SPOPL: variants seen among roughly 807,000 people sequenced by gnomAD.
The protein encoded by SPOPL is speckle-type POZ protein-like.
SPOPL carries 23 observed loss-of-function variants against 53.8 expected under a neutral mutation model. That is an observed-to-expected ratio of 0.43 (90% CI 0.31 to 0.61). The LOEUF is 0.61. SPOPL is among the 20% of genes least tolerant of loss of function. SPOPL has a pLI of 0.12. For synonymous variants in SPOPL, 164 were observed against 149.7 expected, an observed-to-expected ratio of 1.10 and a Z score of -0.70; for missense variants, 442 against 466.9, an observed-to-expected ratio of 0.95 and a Z score of 0.49.
At chr2:138,538,735 C>A (rs896431490) in intron 1 of SPOPL, among the ~76,000 whole-genome samples, 1 of 151,180 alleles carries the variant, frequency 6.6e-6, no homozygotes, top group Non-Finnish European at 1.5e-5. Flanking sequence ...ACCTTCTTAG[C>A]TGTTTTCTTT....
chr2:138,558,137 G>T (rs1685468601), intron 5 of SPOPL, among the ~76,000 whole-genome samples: 1 of 152,118 alleles, frequency 6.6e-6, no homozygotes. Context: ...CTCTAGCCTA[G>T]GCAACAGAGC....
chr2:138,515,283 A>G (rs1013747965), intron 1 of SPOPL, among the ~76,000 whole-genome samples: 1 of 152,216 alleles, frequency 6.6e-6, no homozygotes, highest in Non-Finnish European at 1.5e-5. Context: ...ACATTGGCCC[A>G]AAGCTCTAAT....
chr2:138,520,575 A>G (rs1335694787), intron 1 of SPOPL, among the ~76,000 whole-genome samples: 2 of 152,228 alleles, frequency 1.3e-5, no homozygotes, highest in African/African-American at 2.4e-5. Flanking sequence ...TCTGAGAGCT[A>G]GTTCAAATTA....
intron 1 of SPOPL, among the ~76,000 whole-genome samples, chr2:138,546,661 G>C (rs2104888161): frequency 6.6e-6 from 1 of 152,326 alleles, no homozygotes; most frequent in Non-Finnish European, 1.5e-5. Flanking sequence ...TGGAAGGGCA[G>C]CATGATTCTA....
chr2:138,528,168 G>A (rs1375602257), intron 1 of SPOPL, among the ~76,000 whole-genome samples: 1 of 152,158 alleles, frequency 6.6e-6, no homozygotes, highest in Non-Finnish European at 1.5e-5. Flanking sequence ...GTTGGGCTTT[G>A]GCGTGATGGT....
At chr2:138,515,026 A>G (rs1684409217) in intron 1 of SPOPL, among the ~76,000 whole-genome samples, 1 of 152,206 alleles carries the variant, frequency 6.6e-6, no homozygotes, top group Non-Finnish European at 1.5e-5. Context: ...AGACACCTGT[A>G]TATTTTCATA....
chr2:138,567,503 A>G (rs566109451), intron 10 of SPOPL, among the ~76,000 whole-genome samples: 36 of 151,926 alleles, frequency 2.4e-4, no homozygotes, highest in African/African-American at 8.2e-4. Context: ...CTGAAAGGCC[A>G]TGTAAAATAA....
At position 138,568,917 on chromosome 2, in the gene SPOPL, T is replaced by C; in HGVS notation, c.1035-19T>C. The C allele has an allele frequency of 4.3e-6, 7 of 1,613,036 alleles. No homozygotes were observed. The South Asian group carries it at 7.7e-5, about 18-fold the overall frequency. Reference sequence around the variant, plus strand: ...TGAAAAGTATTCTTTAGTAAATATCTTTTAATTCTATTTTTCAGCCAAGCA... The same window carrying C: ...TGAAAAGTATTCTTTAGTAAATATCCTTTAATTCTATTTTTCAGCCAAGCA... On this transcript the variant is annotated intron_variant, in intron 10 of 10. Transcript: ENST00000280098.
At chr2:138,519,994 C>T (rs1684522171) in intron 1 of SPOPL, among the ~76,000 whole-genome samples, 2 of 151,962 alleles carry the variant, frequency 1.3e-5, no homozygotes, top group African/African-American at 2.4e-5. Context: ...GAAAGTTTTA[C>T]GGAAGAGGTG....
In SPOPL at chr2:138,569,036, T is replaced by C; in HGVS notation, c.1135T>C (p.Cys379Arg). The change falls in exon 11 of 11, where the codon TGT becomes CGT. Residue 379 changes from cysteine to arginine, a missense_variant. Physicochemically the swap from Cys to Arg is radical, Grantham distance 180. Coordinates refer to ENST00000280098, the MANE Select transcript of SPOPL (RefSeq NM_001001664.3). ...CTTTCGAGCACTAGCATCTGCACAG[T>C]GTCCACAGTTTGGCATTCCACGCAA... ...EAFRALASAQ[C>R]PQFGIPRKRL... is the part of the protein sequence containing the mutation. 1.9e-6 allele frequency: 3 copies of C among 1,613,996 alleles called. No homozygotes were observed. Among genetic ancestry groups the C allele is most frequent in the Non-Finnish European group, 1.7e-6 (2 of 1,179,930 alleles).
chr2:138,564,980 A>C lies in SPOPL; in HGVS notation c.1021A>C (p.Asn341His), dbSNP rs1224540067. 6.2e-7 allele frequency: 1 copy of C among 1,614,042 alleles called. No individual in the cohort carries two copies. The highest frequency in any genetic ancestry group is 1.1e-5 in the South Asian group (1 of 91,070). Reference sequence around the variant, plus strand: ...ACAACTTGGGTGTAAAGATGGGAAAAACTGGAACAGCAAGTAAGATGACAT... The same window carrying C: ...ACAACTTGGGTGTAAAGATGGGAAACACTGGAACAGCAAGTAAGATGACAT... ...LRQLGCKDGK[N>H]WNSNQATDIM... Residue 341 changes from asparagine (N) to histidine (H), a missense_variant, in exon 10 of 11, where the codon AAC becomes CAC. Transcript: ENST00000280098.
intron 1 of SPOPL, among the ~76,000 whole-genome samples, chr2:138,511,240 A>AT (rs1684316582): frequency 1.3e-5 from 2 of 152,052 alleles, no homozygotes; most frequent in Non-Finnish European, 2.9e-5. Flanking sequence ...CAAGTGTCTG[A>AT]TTTATTTTTA....
At chr2:138,527,866 C>A (rs1048119746) in intron 1 of SPOPL, among the ~76,000 whole-genome samples, 4 of 152,098 alleles carry the variant, frequency 2.6e-5, no homozygotes, top group Non-Finnish European at 4.4e-5. Flanking sequence ...TGGACACTTT[C>A]GGTACAAGTG....
intron 1 of SPOPL, among the ~76,000 whole-genome samples, chr2:138,540,822 G>A (rs1685055232): frequency 6.6e-6 from 1 of 152,170 alleles, no homozygotes; most frequent in African/African-American, 2.4e-5. Context: ...TCTTGTGCCA[G>A]TTTTCAAAGG....
At chr2:138,527,468 TA>T (rs1434472680) in intron 1 of SPOPL, among the ~76,000 whole-genome samples, 5 of 152,220 alleles carry the variant, frequency 3.3e-5, no homozygotes, top group Non-Finnish European at 7.3e-5. Flanking sequence ...ATGCATCAGT[TA>T]TGACTATATT....
intron 1 of SPOPL, among the ~76,000 whole-genome samples, chr2:138,530,748 T>C (rs976174116): frequency 2.6e-5 from 4 of 152,226 alleles, no homozygotes; most frequent in African/African-American, 4.8e-5. Flanking sequence ...GACTTAAGCA[T>C]GTTAACTGTG....
chr2:138,517,568 G>T (rs576760375), intron 1 of SPOPL, among the ~76,000 whole-genome samples: 1 of 151,666 alleles, frequency 6.6e-6, no homozygotes, highest in African/African-American at 2.4e-5. Context: ...GTGAAACCCC[G>T]TCTGTACTAC....
chr2:138,527,242 ATGAACT>A (rs1191650218), intron 1 of SPOPL, among the ~76,000 whole-genome samples: 1 of 152,068 alleles, frequency 6.6e-6, no homozygotes, highest in Admixed American at 6.5e-5. Flanking sequence ...AGGCCTGTCT[ATGAACT>A]TGTGTCTCCC....
At chr2:138,519,468 T>C (rs1342779076) in intron 1 of SPOPL, among the ~76,000 whole-genome samples, 1 of 152,182 alleles carries the variant, frequency 6.6e-6, no homozygotes, top group East Asian at 1.9e-4. Context: ...AGCATTGCTT[T>C]TCTGTGTTTC....
Sources: gnomAD v4.1 joint callset for allele counts (sites outside exome capture counted in the v4.1 genomes callset) on GRCh38, gnomAD v4.1.1 for gene constraint, MANE v1.5 for transcripts, NCBI Gene and HGNC (gene_info 2026-07-23, HGNC 2026-07-21) for gene names.